Variants in FLNC observed in about 807,000 individuals in gnomAD.
FLNC encodes the protein filamin C, also known as filamin-C.
Under a neutral mutation model 254.3 loss-of-function variants are expected in FLNC, and 91 were observed. The ratio of observed to expected loss-of-function variants is 0.36; its 90% CI spans 0.30 to 0.43. The LOEUF is 0.43. Ranked by LOEUF, FLNC falls within the 20% of genes least tolerant of loss-of-function variation. The probability of loss-of-function intolerance (pLI) is 1.00; values close to 1 mark genes in which losing one functional copy is unlikely to be tolerated. For synonymous variants in FLNC, 1,430 were observed against 1,577.2 expected, an observed-to-expected ratio of 0.91 and a Z score of 2.21; for missense variants, 2,853 against 3,802.6, an observed-to-expected ratio of 0.75 and a Z score of 6.57.
In FLNC at chr7:128,857,278, C is replaced by T. The variant is rs1360192955; in HGVS notation, c.7722C>T (p.Ala2574=). The T allele has an allele frequency of 1.9e-6, 3 of 1,613,946 alleles. No individual in the cohort carries two copies. Among genetic ancestry groups the T allele is most frequent in the African/African-American group, 2.7e-5 (2 of 74,918 alleles). Residue 2574 remains alanine, a synonymous_variant, in exon 46 of 48, where the codon GCC becomes GCT. Coordinates refer to ENST00000325888, the MANE Select transcript of FLNC (RefSeq NM_001458.5). The surrounding 1 kb of genome is among the most constrained non-coding windows in gnomAD (Gnocchi z 4.5). The stretch of plus-strand genomic sequence containing the variant: ...TGGCCCCTGGCAACTACCTCATTGC[C>T]ATCAAGTACGGTGGCCCCCAGCACA... ...TPMAPGNYLI[A]IKYGGPQHIV...
rs1483134760 is a variant in FLNC, at chr7:128,840,119, G to T, written c.1508G>T (p.Gly503Val). Reference sequence around the variant, plus strand: ...GCTGACTTCAAGGTGTTTACCAAGGGTGCCGGCAGCGGGGAGCTCAAGGTC... The same window carrying T: ...GCTGACTTCAAGGTGTTTACCAAGGTTGCCGGCAGCGGGGAGCTCAAGGTC... ...EVADFKVFTK[G>V]AGSGELKVTV... The change falls in exon 9 of 48, where the codon GGT becomes GTT. Residue 503 changes from glycine (G) to valine (V), a missense_variant. Transcript: ENST00000325888. The T allele has an allele frequency of 3.7e-6, 6 of 1,614,116 alleles. No individual in the cohort carries two copies. Among genetic ancestry groups the T allele is most frequent in the Non-Finnish European group, 5.1e-6 (6 of 1,180,034 alleles).
In FLNC at chr7:128,838,117, G is replaced by A. The variant is rs562382536; in HGVS notation, c.1047+53G>A. Reference sequence around the variant, plus strand: ...CGCTGCTCTTCACATCCTTGGTTCCGGCTGCATGGACCCCTCTCTCAGCCT... The same window carrying A: ...CGCTGCTCTTCACATCCTTGGTTCCAGCTGCATGGACCCCTCTCTCAGCCT... On this transcript the variant is annotated intron_variant, in intron 6 of 47. Transcript: ENST00000325888. 3.6e-5 allele frequency: 56 copies of A among 1,543,462 alleles called. No homozygotes were observed. In the East Asian group the frequency reaches 7.2e-4, roughly 20 times the overall value.
In FLNC at chr7:128,830,871, C is replaced by T. The variant is rs769952853; in HGVS notation, c.234C>T (p.Ser78=). Reference sequence around the variant, plus strand: ...TCATCGCGCTGCTCGAGGTGCTCAGCCAGAAGCGCATGTACCGCAAGTTCC... The same window carrying T: ...TCATCGCGCTGCTCGAGGTGCTCAGTCAGAAGCGCATGTACCGCAAGTTCC... ...LRLIALLEVL[S]QKRMYRKFHP... Residue 78 remains serine (S), a synonymous_variant, in exon 1 of 48, where the codon AGC becomes AGT. Transcript: ENST00000325888. 4.3e-6 allele frequency: 7 copies of T among 1,613,166 alleles called. No homozygotes were observed. The South Asian group carries it at 7.7e-5, about 18-fold the overall frequency.
chr7:128,848,647 C>A lies in FLNC; in HGVS notation c.4667C>A (p.Ala1556Asp). 1 of 1,613,622 alleles carries A rather than the reference C, an allele frequency of 6.2e-7. No individual in the cohort carries two copies. Among genetic ancestry groups the A allele is most frequent in the African/African-American group, 1.3e-5 (1 of 75,068 alleles). Reference sequence around the variant, plus strand: ...GGCCTCAACGCCTCTGGCATCCCTGCCAGCCTGCCTGTGGAGTTCACCATC... The same window carrying A: ...GGCCTCAACGCCTCTGGCATCCCTGACAGCCTGCCTGTGGAGTTCACCATC... ...GPGLNASGIPASLPVEFTIDA... is the reference protein window; with the variant it reads ...GPGLNASGIPDSLPVEFTIDA... The change falls in exon 27 of 48, where the codon GCC (alanine) becomes GAC (aspartate). Residue 1556 changes from alanine (A) to aspartate (D), a missense_variant. Transcript: ENST00000325888.
In FLNC at chr7:128,839,898, C is replaced by T; in HGVS notation, c.1412-125C>T. 20 of 1,257,796 alleles carry T rather than the reference C, an allele frequency of 1.6e-5. 1 individual carries two copies. The South Asian group carries it at 2.3e-4, about 15-fold the overall frequency. 77.9% of individuals were successfully genotyped at this position (1,257,796 alleles called of 1,614,324 possible). On this transcript the variant is annotated intron_variant, in intron 8 of 47. Transcript: ENST00000325888. ...GGTTGTGCTGGGGACACAAAGGGCT[C>T]CAGAGCAGGGCCGTGGGCCACTGCC...
Position 128,849,985 on chromosome 7 carries a change from C to A in FLNC, c.5209C>A (p.Pro1737Thr). 6.3e-7 allele frequency: 1 copy of A among 1,588,444 alleles called. No individual in the cohort carries two copies. The highest frequency in any genetic ancestry group is 8.5e-7 in the Non-Finnish European group (1 of 1,172,464). Residue 1737 changes from proline (P) to threonine (T), a missense_variant, in exon 31 of 48, where the codon CCC becomes ACC. Pro to Thr is a conservative substitution (Grantham distance 38, BLOSUM62 -1). Coordinates refer to ENST00000325888, the MANE Select transcript of FLNC (RefSeq NM_001458.5). ...NSPFHVLACDPLPHEEEPSEV... is the reference protein window; with the variant it reads ...NSPFHVLACDTLPHEEEPSEV... ...TGCCTTGCCTCCCCAGGCGTGTGACCCCCTGCCGCACGAGGAGGAGCCCTC... is the reference window on the plus strand; with the variant it reads ...TGCCTTGCCTCCCCAGGCGTGTGACACCCTGCCGCACGAGGAGGAGCCCTC...
rs952304143 is a variant in FLNC at position 128,851,687 on chromosome 7, C to G, written c.5842+59C>G. ...AGGCACACACACCGCATACAGTGCA[C>G]TCATGTGCAAGCCCAGCCCGTTCAA... is the stretch of plus-strand genomic sequence containing the variant. On this transcript the variant is annotated intron_variant, in intron 35 of 47. Transcript: ENST00000325888. 1.2e-5 allele frequency: 19 copies of G among 1,575,152 alleles called. No individual in the cohort carries two copies. In the African/African-American group the frequency reaches 2.6e-4, roughly 21 times the overall value.
At chr7:128,834,245 T>C (rs1260584607) in intron 1 of FLNC, among the ~76,000 whole-genome samples, 1 of 148,770 alleles carries the variant, frequency 6.7e-6, no homozygotes, top group Non-Finnish European at 1.5e-5. Context: ...TCCAAAGATC[T>C]ATCTACATGC....
Position 128,849,421 on chromosome 7 carries a change from C to G in FLNC, c.5042C>G (p.Thr1681Arg), listed in dbSNP as rs193159707. Residue 1681 changes from threonine (T) to arginine (R), a missense_variant, in exon 30 of 48, where the codon ACG becomes AGG. Coordinates refer to ENST00000325888, the MANE Select transcript of FLNC (RefSeq NM_001458.5). ...GCCGGTGAGGGGAAGGTGACATGCA[C>G]GGTGTCCACGCCGGATGGGGCAGAG... Reference protein sequence around the residue: ...KAAGEGKVTCTVSTPDGAELD... With the variant: ...KAAGEGKVTCRVSTPDGAELD... 4.2e-4 allele frequency: 685 copies of G among 1,614,200 alleles called. 4 individuals are homozygous for G. In the African/African-American group the frequency reaches 6.5e-3, roughly 15 times the overall value.
intron 41 of FLNC, 27 bp from the exon 42 acceptor site, chr7:128,854,748 G>C: frequency 1.9e-6 from 3 of 1,613,810 alleles, no homozygotes; most frequent in Non-Finnish European, 2.5e-6. Flanking sequence ...CGATGATGCT[G>C]AAGTCCACTA....
chr7:128,850,146 C>A, intron 31 of FLNC, 72 bp downstream of exon 31: 2 of 1,304,428 alleles, frequency 1.5e-6, no homozygotes, highest in Non-Finnish European at 2.1e-6. Flanking sequence ...TACTCCTCTG[C>A]AGCCAGGGCG....
At chr7:128,832,490 A>AG (rs1807932274) in intron 1 of FLNC, among the ~76,000 whole-genome samples, 1 of 152,178 alleles carries the variant, frequency 6.6e-6, no homozygotes, top group Admixed American at 6.5e-5. Flanking sequence ...CTTCGGCAAG[A>AG]CATATAGGAA....
At chr7:128,853,228 G>C in intron 37 of FLNC, 197 bp downstream of exon 37, 4 of 719,332 alleles carry the variant, frequency 5.6e-6, no homozygotes, top group Non-Finnish European at 9.6e-6. Flanking sequence ...TTAAGAGAAA[G>C]CTCAGCTGTC....
rs2128940257 is a variant in FLNC at position 128,856,864 on chromosome 7, G to A, written c.7504G>A (p.Ala2502Thr). 1 of 1,614,232 alleles carries A rather than the reference G, an allele frequency of 6.2e-7. No individual in the cohort carries two copies. Among genetic ancestry groups the A allele is most frequent in the Non-Finnish European group, 8.5e-7 (1 of 1,180,042 alleles). ...GATCCGCGTTGGGGAGCAGAGCCAG[G>A]CTGGGGACCCAGGCTTGGTGTCAGC... Reference protein sequence around the residue: ...FKIRVGEQSQAGDPGLVSAYG... With the variant: ...FKIRVGEQSQTGDPGLVSAYG... The change falls in exon 45 of 48, where the codon GCT becomes ACT. Residue 2502 changes from alanine (A) to threonine (T), a missense_variant. Around this residue, in one of 10 missense-constraint regions of FLNC, gnomAD observed 197 missense variants for 351.5 expected, o/e 0.56. Coordinates refer to ENST00000325888, the MANE Select transcript of FLNC (RefSeq NM_001458.5). The surrounding 1 kb of genome is among the most constrained non-coding windows in gnomAD (Gnocchi z 5.9).
chr7:128,846,659 T>G, intron 23 of FLNC, 86 bp from the exon 24 acceptor site: 1 of 1,456,618 alleles, frequency 6.9e-7, no homozygotes, highest in Non-Finnish European at 9.4e-7. Flanking sequence ...CGGCCTGCCC[T>G]CTTTCCTCCC....
At chr7:128,851,746 G>C in intron 35 of FLNC, 118 bp downstream of exon 35, 1 of 982,244 alleles carries the variant, frequency 1.0e-6, no homozygotes, top group Non-Finnish European at 1.6e-6. Flanking sequence ...GGCCCTTCAA[G>C]GTGTGAGGGG....
intron 21 of FLNC, 32 bp from the exon 22 acceptor site, chr7:128,845,958 C>A (rs1430853543): frequency 1.9e-6 from 3 of 1,610,268 alleles, no homozygotes; most frequent in African/African-American, 2.7e-5. Flanking sequence ...GCTGCCCCCA[C>A]CCCTGCTGAA....
chr7:128,858,627 A>C lies in FLNC; in HGVS notation c.*104A>C. 1 of 887,032 alleles carries C rather than the reference A, an allele frequency of 1.1e-6. No homozygotes were observed. Among genetic ancestry groups the C allele is most frequent in the East Asian group, 2.6e-5 (1 of 38,552 alleles). 54.9% of individuals were successfully genotyped at this position (887,032 alleles called of 1,614,324 possible). On this transcript the variant is annotated 3_prime_UTR_variant, in exon 48 of 48. Transcript: ENST00000325888. The surrounding 1 kb of genome is among the most constrained non-coding windows in gnomAD (Gnocchi z 6.7). ...TGTGCCACACCCAGACACGCACAGA[A>C]TCAGACACTACAAACACCTGCCTTG...
chr7:128,856,859 G>A lies in FLNC; in HGVS notation c.7499G>A (p.Ser2500Asn), dbSNP rs371244800. Reference sequence around the variant, plus strand: ...TTCAAGATCCGCGTTGGGGAGCAGAGCCAGGCTGGGGACCCAGGCTTGGTG... The same window carrying A: ...TTCAAGATCCGCGTTGGGGAGCAGAACCAGGCTGGGGACCCAGGCTTGGTG... The part of the protein sequence containing the change: ...SPFKIRVGEQ[S>N]QAGDPGLVSA... The change falls in exon 45 of 48, where the codon AGC becomes AAC. Residue 2500 changes from serine (S) to asparagine (N), a missense_variant. Physicochemically the swap from Ser to Asn is conservative, Grantham distance 46. Around this residue, in one of 10 missense-constraint regions of FLNC, gnomAD observed 197 missense variants for 351.5 expected, o/e 0.56. Transcript: ENST00000325888. The surrounding 1 kb of genome is among the most constrained non-coding windows in gnomAD (Gnocchi z 5.9). 3.2e-5 allele frequency: 51 copies of A among 1,614,210 alleles called. No individual in the cohort carries two copies. In the African/African-American group the frequency reaches 6.4e-4, roughly 20 times the overall value.
Sources: allele counts gnomAD v4.1 joint callset (sites outside exome capture counted in the v4.1 genomes callset), GRCh38; gene constraint gnomAD v4.1.1; regional missense constraint gnomAD v4.1.1; non-coding constraint Gnocchi (gnomAD v3.1); transcripts MANE v1.5; gene names NCBI Gene and HGNC (gene_info 2026-07-23, HGNC 2026-07-21).